CD200R1: variants seen among roughly 807,000 people sequenced by gnomAD.
CD200R1 encodes cell surface glycoprotein CD200 receptor 1.
CD200R1 carries 30 observed loss-of-function variants against 38.1 expected under a neutral mutation model. That is an observed-to-expected ratio of 0.79 (90% confidence interval 0.59 to 1.07). The LOEUF (loss-of-function observed/expected upper bound fraction) is 1.07, where lower values mean the gene tolerates loss of function less well. Among genes scored for constraint, CD200R1 ranks in the 50% least tolerant of loss-of-function variants. CD200R1 has a pLI of 0.00. For missense variants in CD200R1, 372 were observed against 415.4 expected, an observed-to-expected ratio of 0.90 and a Z score of 0.91; for synonymous variants, 128 against 152.1, an observed-to-expected ratio of 0.84 and a Z score of 1.16.
At chr3:112,972,870 A>C (rs1292267816) in intron 1 of CD200R1, among the ~76,000 whole-genome samples, 1 of 152,238 alleles carries the variant, frequency 6.6e-6, no homozygotes, top group East Asian at 1.9e-4. Flanking sequence ...AGTTTTAGCA[A>C]TAAAGACATA....
chr3:112,933,548 G>A (rs980752023), intron 2 of CD200R1, among the ~76,000 whole-genome samples: 1 of 152,086 alleles, frequency 6.6e-6, no homozygotes, highest in Non-Finnish European at 1.5e-5. Context: ...AGATATGTAG[G>A]TATCAACATA....
At chr3:112,934,654 A>AC (rs1940534268) in intron 2 of CD200R1, among the ~76,000 whole-genome samples, 1 of 151,886 alleles carries the variant, frequency 6.6e-6, no homozygotes, top group African/African-American at 2.4e-5. Context: ...ACATGATGAA[A>AC]CCCCATCCCT....
intron 1 of CD200R1, among the ~76,000 whole-genome samples, chr3:112,961,753 T>C (rs549663031): frequency 9.3e-4 from 141 of 152,144 alleles, no homozygotes; most frequent in African/African-American, 3.2e-3. Flanking sequence ...GTTTGCAACA[T>C]TTAAAACAAA....
At chr3:112,964,993 G>A (rs575283440) in intron 1 of CD200R1, among the ~76,000 whole-genome samples, 1 of 152,304 alleles carries the variant, frequency 6.6e-6, no homozygotes, top group South Asian at 2.1e-4. Context: ...CTGCAGCCAT[G>A]TGAGATGTGC....
intron 1 of CD200R1, among the ~76,000 whole-genome samples, chr3:112,950,119 C>G (rs1202052083): frequency 2.0e-5 from 3 of 152,060 alleles, no homozygotes; most frequent in Non-Finnish European, 4.4e-5. Context: ...CTGGCAAAAT[C>G]CAAAAGTTTG....
rs148716939 is a variant in CD200R1 at position 112,958,845 on chromosome 3, A to G, written c.68-10921T>C. ...AGAATGTTTTCGTGATTTTACTACT[A>G]GCGAAACCTCTTACTCACTTTGAGC... On this transcript the variant is annotated intron_variant, in intron 1 of 7. Coordinates refer to ENST00000308611, the MANE Select transcript of CD200R1 (RefSeq NM_138806.4). Among the ~76,000 whole-genome samples the G allele has an allele frequency of 2.5e-3, 377 of 152,256 alleles. 2 individuals carry two copies. The highest frequency in any genetic ancestry group is 8.5e-3 in the African/African-American group (355 of 41,568).
At chr3:112,955,540 G>A (rs1296025752) in intron 1 of CD200R1, among the ~76,000 whole-genome samples, 14 of 142,220 alleles carry the variant, frequency 9.8e-5, no homozygotes, top group South Asian at 9.0e-4. Context: ...ACGGAGTTTC[G>A]CTCTGTCACC....
chr3:112,931,961 G>A (rs981868217), intron 2 of CD200R1, among the ~76,000 whole-genome samples: 16 of 152,062 alleles, frequency 1.1e-4, no homozygotes, highest in African/African-American at 3.4e-4. Flanking sequence ...CCTCTTGCAG[G>A]GAAAACATAA....
chr3:112,923,885 G>A, intron 7 of CD200R1, 86 bp from the exon 8 acceptor site: 2 of 798,876 alleles, frequency 2.5e-6, no homozygotes, highest in Non-Finnish European at 4.0e-6. Flanking sequence ...CATAGCTTTA[G>A]TATTTCTAAC....
At chr3:112,966,254 T>G (rs916653363) in intron 1 of CD200R1, among the ~76,000 whole-genome samples, 2 of 152,180 alleles carry the variant, frequency 1.3e-5, no homozygotes, top group African/African-American at 4.8e-5. Context: ...CAGAAAACCC[T>G]GAAAAGACTT....
At position 112,929,275 on chromosome 3, in the gene CD200R1, C is replaced by A. The variant is rs765012872; in HGVS notation, c.435G>T (p.Val145=). 1.9e-6 allele frequency: 3 copies of A among 1,614,140 alleles called. No homozygotes were observed. The South Asian group carries it at 3.3e-5, about 18-fold the overall frequency. The change falls in exon 4 of 8, where the codon GTG becomes GTT. Residue 145 remains valine, a synonymous_variant. Coordinates refer to ENST00000308611, the MANE Select transcript of CD200R1 (RefSeq NM_138806.4). The part of the protein sequence containing the change: ...DQNSDLQIRT[V]AITHDGYYRC... Reference sequence around the variant, plus strand: ...TGTAATACCCGTCATGAGTGATGGCCACGGTACGAATCTGAAGGTCCGAAT... The same window carrying A: ...TGTAATACCCGTCATGAGTGATGGCAACGGTACGAATCTGAAGGTCCGAAT...
At chr3:112,941,366 T>C (rs1480565850) in intron 2 of CD200R1, among the ~76,000 whole-genome samples, 2 of 151,706 alleles carry the variant, frequency 1.3e-5, no homozygotes, top group Non-Finnish European at 3.0e-5. Context: ...CATGATCTGA[T>C]TACTACAAAT....
rs935769033 is a variant in CD200R1 at position 112,960,723 on chromosome 3, C to T, written c.68-12799G>A. Among the ~76,000 whole-genome samples the T allele has an allele frequency of 5.9e-5, 9 of 151,912 alleles. No homozygotes were observed. In the East Asian group the frequency reaches 1.2e-3, roughly 19 times the overall value. On this transcript the variant is annotated intron_variant, in intron 1 of 7. Coordinates refer to ENST00000308611, the MANE Select transcript of CD200R1 (RefSeq NM_138806.4). Reference sequence around the variant, plus strand: ...ACTATACCTCAAAAGATAATGACTACGTTTAACGCAGAGGTTGGGGGATAT... The same window carrying T: ...ACTATACCTCAAAAGATAATGACTATGTTTAACGCAGAGGTTGGGGGATAT...
At position 112,921,492 on chromosome 3, in the gene CD200R1, C is replaced by G. The variant is rs974547570; in HGVS notation, c.*2185G>C. 1 of 151,630 alleles carries G rather than the reference C, an allele frequency of 6.6e-6. No homozygotes were observed. Among genetic ancestry groups the G allele is most frequent in the South Asian group, 2.1e-4 (1 of 4,802 alleles). The allele number at this position is 151,630 out of a possible 1,614,324, so 9.4% of individuals were successfully genotyped here. A position where few individuals can be genotyped will look rare whatever the true frequency, so the allele number is the denominator to read the frequency against. ...GAGAAAATTGACAAATCTAGCAAAG[C>G]AAAGGAAAAGATACAAAATGGGATG... On this transcript the variant is annotated 3_prime_UTR_variant, in exon 8 of 8. Transcript: ENST00000308611.
chr3:112,954,243 T>G (rs957414986), intron 1 of CD200R1, among the ~76,000 whole-genome samples: 1 of 152,200 alleles, frequency 6.6e-6, no homozygotes, highest in Non-Finnish European at 1.5e-5. Context: ...CCTCCTGTTA[T>G]TGATTTCAGG....
chr3:112,942,762 T>A (rs954124117), intron 2 of CD200R1, among the ~76,000 whole-genome samples: 3 of 151,436 alleles, frequency 2.0e-5, no homozygotes, highest in Non-Finnish European at 1.5e-5. Context: ...ATATGTAGTT[T>A]GAAAGAAAAG....
chr3:112,930,178 G>T (rs1044459394), intron 3 of CD200R1, among the ~76,000 whole-genome samples: 5 of 150,878 alleles, frequency 3.3e-5, no homozygotes. Flanking sequence ...AAATGATAAT[G>T]CCCTGTGATA....
chr3:112,948,072 A>C lies in CD200R1; in HGVS notation c.68-148T>G, dbSNP rs1940903183. 7 of 646,448 alleles carry C rather than the reference A, an allele frequency of 1.1e-5. 1 individual carries two copies. The South Asian group carries it at 1.2e-4, about 11-fold the overall frequency. 40.0% of individuals were successfully genotyped at this position (646,448 alleles called of 1,614,324 possible). A position where few individuals can be genotyped will look rare whatever the true frequency, so the allele number is the denominator to read the frequency against. On this transcript the variant is annotated intron_variant, in intron 1 of 7. Transcript: ENST00000308611. ...TATCTAAATTATGACAGCCAAGCAA[A>C]AGTCTTGGCAAAATTTGTCCCAGTA...
intron 1 of CD200R1, among the ~76,000 whole-genome samples, chr3:112,954,714 C>T (rs963107588): frequency 3.3e-5 from 5 of 152,138 alleles, no homozygotes; most frequent in East Asian, 1.9e-4. Context: ...GTGGTGTACC[C>T]GGAAAGAGCA....
Sources: gnomAD v4.1 joint callset for allele counts (sites outside exome capture counted in the v4.1 genomes callset) on GRCh38, gnomAD v4.1.1 for gene constraint, MANE v1.5 for transcripts, NCBI Gene and HGNC (gene_info 2026-07-23, HGNC 2026-07-21) for gene names.